The following SHB variants were observed in gnomAD, a reference collection of about 807,000 sequenced individuals.
The protein encoded by SHB is SH2 domain containing adaptor protein B.
A neutral mutation model predicts 52.3 loss-of-function variants in SHB; 20 were observed. The ratio of observed to expected loss-of-function variants is 0.38; its 90% CI spans 0.27 to 0.56. SHB has a LOEUF of 0.56. SHB is among the 20% of genes least tolerant of loss of function. The pLI is 0.71. For missense variants in SHB, 825 were observed against 723.3 expected (o/e 1.14, Z -1.61); for synonymous variants, 397 against 316.5 (o/e 1.25, Z -2.70).
Position 37,977,565 on chromosome 9 carries a change from G to C in SHB, c.839-2728C>G, listed in dbSNP as rs533495869. Among the ~76,000 whole-genome samples the C allele has an allele frequency of 8.5e-5, 13 of 152,228 alleles. No homozygotes were observed. The South Asian group carries it at 2.5e-3, about 29-fold the overall frequency. On this transcript the variant is annotated intron_variant, in intron 2 of 5. Coordinates refer to ENST00000377707, the MANE Select transcript of SHB (RefSeq NM_003028.3). ...GGATGATGCTTCCTTTTTTTACCGA[G>C]GGAGGAACAGGAAAAGAGAAGGGAA... is the stretch of plus-strand genomic sequence containing the variant.
At chr9:37,970,814 C>T (rs576573793) in intron 3 of SHB, among the ~76,000 whole-genome samples, 48 of 152,130 alleles carry the variant, frequency 3.2e-4, no homozygotes, top group African/African-American at 1.1e-3. Flanking sequence ...TTCACCTGGG[C>T]CCTACATCCC....
At chr9:37,992,138 C>T (rs1214876200) in intron 2 of SHB, among the ~76,000 whole-genome samples, 1 of 152,212 alleles carries the variant, frequency 6.6e-6, no homozygotes, top group Non-Finnish European at 1.5e-5. Context: ...CGGTGGCTCA[C>T]ACCTGTAATC....
At position 37,919,805 on chromosome 9, in the gene SHB, G is replaced by A. The variant is rs1160081124; in HGVS notation, c.*16C>T. ...AGTCTCAGGCTCTGTCACAGAGCAG[G>A]GCAGGTCTGGTCCGCTCACAGGGTC... On this transcript the variant is annotated 3_prime_UTR_variant, in exon 6 of 6. Coordinates refer to ENST00000377707, the MANE Select transcript of SHB (RefSeq NM_003028.3). 6.2e-7 allele frequency: 1 copy of A among 1,609,226 alleles called. No individual in the cohort carries two copies.
intron 2 of SHB, among the ~76,000 whole-genome samples, chr9:37,985,910 C>T (rs1352323086): frequency 6.6e-6 from 1 of 152,252 alleles, no homozygotes; most frequent in Non-Finnish European, 1.5e-5. Context: ...GAGTAAATTA[C>T]TCCTCATCCT....
intron 1 of SHB, among the ~76,000 whole-genome samples, chr9:38,017,448 C>G (rs1821227103): frequency 6.6e-6 from 1 of 152,246 alleles, no homozygotes; most frequent in Non-Finnish European, 1.5e-5. Flanking sequence ...TGGTAAATGG[C>G]AGCTTGTGGC....
chr9:38,014,032 C>T (rs1821177773), intron 2 of SHB, among the ~76,000 whole-genome samples: 1 of 152,170 alleles, frequency 6.6e-6, no homozygotes, highest in Admixed American at 6.5e-5. Flanking sequence ...TGTCTAGGTG[C>T]CCCAGCATCT....
At chr9:38,015,753 C>T (rs1452001857) in intron 2 of SHB, among the ~76,000 whole-genome samples, 1 of 152,188 alleles carries the variant, frequency 6.6e-6, no homozygotes, top group East Asian at 1.9e-4. Flanking sequence ...ACTTCTTGGC[C>T]CCTACCTTTG....
chr9:37,935,221 C>T (rs1832355222), intron 5 of SHB, among the ~76,000 whole-genome samples: 1 of 152,170 alleles, frequency 6.6e-6, no homozygotes, highest in Non-Finnish European at 1.5e-5. Context: ...CCTACACTGC[C>T]TCGAGTTTCT....
intron 3 of SHB, among the ~76,000 whole-genome samples, chr9:37,957,748 A>T (rs1225229889): frequency 6.6e-6 from 1 of 152,262 alleles, no homozygotes; most frequent in Non-Finnish European, 1.5e-5. Flanking sequence ...GACAGGCAAT[A>T]AATCAATCTG....
chr9:38,028,290 T>C (rs952915224), intron 1 of SHB, among the ~76,000 whole-genome samples: 2 of 152,220 alleles, frequency 1.3e-5, no homozygotes, highest in African/African-American at 4.8e-5. Flanking sequence ...GGCCCAGAGC[T>C]GTTGTGCCAA....
chr9:37,934,141 G>A (rs146425679), intron 5 of SHB, among the ~76,000 whole-genome samples: 25 of 152,278 alleles, frequency 1.6e-4, no homozygotes, highest in African/African-American at 5.1e-4. Flanking sequence ...CCTGAGCTTC[G>A]GTTGAACTCC....
chr9:37,922,299 G>A (rs1008526510), intron 5 of SHB, among the ~76,000 whole-genome samples: 2 of 152,212 alleles, frequency 1.3e-5, no homozygotes, highest in Non-Finnish European at 2.9e-5. Flanking sequence ...TTTGTTCTAC[G>A]GCATCTGGCA....
intron 3 of SHB, among the ~76,000 whole-genome samples, chr9:37,973,518 C>T (rs545894074): frequency 6.4e-4 from 97 of 152,226 alleles, no homozygotes; most frequent in Non-Finnish European, 9.3e-4. Context: ...CCACCGCGCC[C>T]GGCCTTCTGA....
At chr9:37,994,075 T>C (rs373875227) in intron 2 of SHB, among the ~76,000 whole-genome samples, 4 of 152,226 alleles carry the variant, frequency 2.6e-5, no homozygotes, top group African/African-American at 9.7e-5. Flanking sequence ...AGGCGGCTGA[T>C]TGACCTCAGT....
intron 5 of SHB, among the ~76,000 whole-genome samples, chr9:37,929,570 G>A (rs528668198): frequency 6.6e-6 from 1 of 152,128 alleles, no homozygotes; most frequent in Non-Finnish European, 1.5e-5. Flanking sequence ...TTTCCCATAC[G>A]TCTGCTCTGT....
Position 37,948,686 on chromosome 9 carries a change from T to C in SHB, c.1295A>G (p.Tyr432Cys). 6.2e-7 allele frequency: 1 copy of C among 1,613,832 alleles called. No individual in the cohort carries two copies. The highest frequency in any genetic ancestry group is 8.5e-7 in the Non-Finnish European group (1 of 1,179,986). ...NLLRLCKECSYLVRNSQTSKH... is the reference protein window; with the variant it reads ...NLLRLCKECSCLVRNSQTSKH... ...GCTGGTCTGGCTGTTCCGGACAAGGTAGCTACACTCCTTGCAGAGTCGCAG... is the reference window on the plus strand; with the variant it reads ...GCTGGTCTGGCTGTTCCGGACAAGGCAGCTACACTCCTTGCAGAGTCGCAG... The change falls in exon 5 of 6, where the codon TAC (tyrosine) becomes TGC (cysteine). Residue 432 changes from tyrosine to cysteine, a missense_variant. Coordinates refer to ENST00000377707, the MANE Select transcript of SHB (RefSeq NM_003028.3).
At chr9:37,981,706 T>C (rs1820726623) in intron 2 of SHB, among the ~76,000 whole-genome samples, 1 of 152,222 alleles carries the variant, frequency 6.6e-6, no homozygotes, top group Admixed American at 6.5e-5. Flanking sequence ...GAGAGATGTG[T>C]GACTCTCCCT....
rs947190265 is a variant in SHB, at chr9:37,923,755, C to T, written c.1347-3751G>A. 3.9e-5 allele frequency among the ~76,000 whole-genome samples: 6 copies of T among 152,286 alleles called. No individual in the cohort carries two copies. In the South Asian group the frequency reaches 1.0e-3, roughly 26 times the overall value. On this transcript the variant is annotated intron_variant, in intron 5 of 5. Transcript: ENST00000377707. ...ATGGCTGCTCCAGGCAGCATGTATT[C>T]TGAGCTGCAAGCAGCCTGGGGGTCA... is the stretch of plus-strand genomic sequence containing the variant.
rs139898632 is a variant in SHB, at chr9:37,942,760, C to G, written c.1346+5875G>C. 3.8e-3 allele frequency among the ~76,000 whole-genome samples: 574 copies of G among 152,304 alleles called. 2 individuals are homozygous for G. Among genetic ancestry groups the G allele is most frequent in the Non-Finnish European group, 6.3e-3 (428 of 68,024 alleles). On this transcript the variant is annotated intron_variant, in intron 5 of 5. Coordinates refer to ENST00000377707, the MANE Select transcript of SHB (RefSeq NM_003028.3). The stretch of plus-strand genomic sequence containing the variant: ...TCTGACTGCAGAGCCTGTGTTGTCC[C>G]TCTCCATCTTGAAAAGGGCTGCCTC...
Sources: allele counts gnomAD v4.1 joint callset (sites outside exome capture counted in the v4.1 genomes callset), GRCh38; gene constraint gnomAD v4.1.1; transcripts MANE v1.5; gene names NCBI Gene and HGNC (gene_info 2026-07-23, HGNC 2026-07-21).